The following SLC35F3 variants were observed in gnomAD, a reference collection of about 807,000 sequenced individuals.
SLC35F3 encodes the protein solute carrier family 35 member F3, also known as putative thiamine transporter SLC35F3.
Under a neutral mutation model 49.9 loss-of-function variants are expected in SLC35F3, and 25 were observed. The observed-to-expected ratio is 0.50, with a 90% CI of 0.37 to 0.70. SLC35F3 has a LOEUF of 0.70. SLC35F3 is among the 30% of genes least tolerant of loss of function. The pLI is 0.00. For missense variants in SLC35F3, 525 were observed against 639.8 expected (o/e 0.82, Z 1.94); for synonymous variants, 275 against 265.4 (o/e 1.04, Z -0.35).
intron 3 of SLC35F3, among the ~76,000 whole-genome samples, chr1:234,273,827 C>G (rs1668152021): frequency 6.6e-6 from 1 of 152,076 alleles, no homozygotes; most frequent in Non-Finnish European, 1.5e-5. Context: ...TCTGGAAAGT[C>G]CCCCTGCTTA....
intron 3 of SLC35F3, among the ~76,000 whole-genome samples, chr1:234,281,728 A>C (rs577044130): frequency 6.6e-6 from 1 of 152,288 alleles, no homozygotes; most frequent in South Asian, 2.1e-4. Context: ...CCACACCTCC[A>C]AGGTGACCTT....
chr1:233,905,284 C>T (rs889998471), intron 1 of SLC35F3, among the ~76,000 whole-genome samples, 154 bp downstream of exon 1: 9 of 152,186 alleles, frequency 5.9e-5, no homozygotes, highest in Admixed American at 1.3e-4. Context: ...TCATTCTTTC[C>T]CTCGCCACTC....
intron 3 of SLC35F3, among the ~76,000 whole-genome samples, chr1:234,270,427 C>A (rs567975294): frequency 6.6e-6 from 1 of 152,264 alleles, no homozygotes; most frequent in Admixed American, 6.5e-5. Flanking sequence ...ACAGATAAAT[C>A]TATTGTTGTT....
chr1:234,237,208 A>T (rs1322998846), intron 3 of SLC35F3, among the ~76,000 whole-genome samples: 3 of 152,000 alleles, frequency 2.0e-5, no homozygotes, highest in Admixed American at 6.6e-5. Context: ...TGGCTACAGC[A>T]TACGGTCCCA....
chr1:234,213,464 A>C (rs1345206580), intron 2 of SLC35F3: 1 of 152,290 alleles, frequency 6.6e-6, no homozygotes, highest in East Asian at 1.9e-4. Flanking sequence ...GGATGATAGC[A>C]GGGCACCTCT....
intron 2 of SLC35F3, among the ~76,000 whole-genome samples, chr1:234,030,600 T>A (rs1354896288): frequency 6.6e-6 from 1 of 152,176 alleles, no homozygotes; most frequent in Non-Finnish European, 1.5e-5. Context: ...TTGTACGGGA[T>A]TAAATACCTA....
At chr1:234,056,259 TATA>T (rs79437702) in intron 2 of SLC35F3, among the ~76,000 whole-genome samples, 55,225 of 151,774 alleles carry the variant, frequency 0.36, 11,026 homozygotes, top group Middle Eastern at 0.47. Context: ...ATTTTAAAGA[TATA>T]ATATTAATTA....
rs115105705 is a variant in SLC35F3, at chr1:233,963,727, G to C, written c.283+57969G>C. On this transcript the variant is annotated intron_variant, in intron 2 of 7. Coordinates refer to ENST00000366618, the MANE Select transcript of SLC35F3 (RefSeq NM_173508.4). Reference sequence around the variant, plus strand: ...GCATGCTCTTCAGCCTCTCAGATGTGGGGGAGGTGAAGGTCATGTTTCATC... The same window carrying C: ...GCATGCTCTTCAGCCTCTCAGATGTCGGGGAGGTGAAGGTCATGTTTCATC... Among the ~76,000 whole-genome samples the C allele has an allele frequency of 9.2e-3, 1,398 of 152,336 alleles. 14 individuals carry two copies. Among genetic ancestry groups the C allele is most frequent in the Non-Finnish European group, 0.014 (938 of 68,032 alleles).
rs182387120 is a variant in SLC35F3, at chr1:234,320,737, G to A, written c.1237+550G>A. On this transcript the variant is annotated intron_variant, in intron 7 of 7. Transcript: ENST00000366618. This position sits in a 1 kb window ranked among gnomAD's most constrained non-coding sequence, Gnocchi z 4.8. ...GAGAACGCCCTTTGCCCAGGAACTC[G>A]GGACTGCCCTTTGTTTTCCCCTGGG... Among the ~76,000 whole-genome samples, 33 of 152,262 alleles carry A rather than the reference G, an allele frequency of 2.2e-4. No homozygotes were observed. Among genetic ancestry groups the A allele is most frequent in the African/African-American group, 7.0e-4 (29 of 41,556 alleles).
At chr1:234,238,094 G>C (rs80061400) in intron 3 of SLC35F3, among the ~76,000 whole-genome samples, 5,970 of 152,262 alleles carry the variant, frequency 0.039, 386 homozygotes, top group African/African-American at 0.13. Flanking sequence ...GTTTGTTTGT[G>C]TGTTTATTTT....
At chr1:233,946,815 CAG>C (rs940790599) in intron 2 of SLC35F3, among the ~76,000 whole-genome samples, 1 of 152,186 alleles carries the variant, frequency 6.6e-6, no homozygotes, top group African/African-American at 2.4e-5. Flanking sequence ...ACTGAGGAAA[CAG>C]AGCAGGAGAA....
intron 2 of SLC35F3, among the ~76,000 whole-genome samples, chr1:234,106,918 T>C (rs1164901612): frequency 1.3e-5 from 2 of 152,250 alleles, no homozygotes; most frequent in Non-Finnish European, 2.9e-5. Context: ...ACCCTGGAGC[T>C]ACCATCCTCC....
At chr1:233,921,808 C>A (rs558648173) in intron 2 of SLC35F3, among the ~76,000 whole-genome samples, 2 of 147,756 alleles carry the variant, frequency 1.4e-5, no homozygotes, top group African/African-American at 2.5e-5. Flanking sequence ...CCCCCTCCCC[C>A]CAACAGGCCC....
chr1:234,135,486 T>C (rs1665797117), intron 2 of SLC35F3, among the ~76,000 whole-genome samples: 1 of 152,176 alleles, frequency 6.6e-6, no homozygotes, highest in African/African-American at 2.4e-5. Context: ...GGTTTACTGA[T>C]TGGCAAGAAG....
chr1:234,281,809 G>A (rs890311108), intron 3 of SLC35F3, among the ~76,000 whole-genome samples: 1 of 152,026 alleles, frequency 6.6e-6, no homozygotes, highest in Non-Finnish European at 1.5e-5. Flanking sequence ...ACCGTATCGA[G>A]CTTATGTGAA....
At chr1:234,260,241 G>A (rs1433285010) in intron 3 of SLC35F3, among the ~76,000 whole-genome samples, 1 of 152,164 alleles carries the variant, frequency 6.6e-6, no homozygotes, top group East Asian at 1.9e-4. Flanking sequence ...CTGGTTAAAT[G>A]CTGATCCCAA....
chr1:234,010,124 C>T (rs1431626148), intron 2 of SLC35F3, among the ~76,000 whole-genome samples: 4 of 152,152 alleles, frequency 2.6e-5, no homozygotes, highest in East Asian at 1.9e-4. Flanking sequence ...ATCTCTAGTA[C>T]GAGGCTTAAA....
At chr1:234,178,335 C>T (rs1401651269) in intron 2 of SLC35F3, among the ~76,000 whole-genome samples, 1 of 151,952 alleles carries the variant, frequency 6.6e-6, no homozygotes, top group Non-Finnish European at 1.5e-5. Context: ...AATACTATGA[C>T]TTTTAAGAAT....
In SLC35F3 at chr1:234,217,918, C is replaced by G. The variant is rs1377357830; in HGVS notation, c.284-13499C>G. ...CTGAGGAGGAGGCCTTATGAGGCAT[C>G]ACAGCTGAGGCTGGGGGGATATGAG... On this transcript the variant is annotated intron_variant, in intron 2 of 7. Coordinates refer to ENST00000366618, the MANE Select transcript of SLC35F3 (RefSeq NM_173508.4). Among the ~76,000 whole-genome samples, 9 of 152,154 alleles carry G rather than the reference C, an allele frequency of 5.9e-5. No individual in the cohort carries two copies. In the East Asian group the frequency reaches 1.7e-3, roughly 29 times the overall value.
Sources: gnomAD v4.1 joint callset for allele counts (sites outside exome capture counted in the v4.1 genomes callset) on GRCh38, gnomAD v4.1.1 for gene constraint, Gnocchi (gnomAD v3.1) non-coding constraint, MANE v1.5 for transcripts, NCBI Gene and HGNC (gene_info 2026-07-23, HGNC 2026-07-21) for gene names.